Variants in DCAF10 observed in about 807,000 individuals in gnomAD.
DCAF10 encodes the protein DDB1 and CUL4 associated factor 10.
DCAF10 carries 19 observed loss-of-function variants against 51.9 expected under a neutral mutation model. That is an observed-to-expected ratio of 0.37 (90% confidence interval 0.26 to 0.54). The LOEUF is 0.54. Ranked by LOEUF, DCAF10 falls within the 20% of genes least tolerant of loss-of-function variation. DCAF10 has a pLI of 0.87. For synonymous variants in DCAF10, 291 were observed against 297.1 expected (o/e 0.98, Z 0.21); for missense variants, 510 against 730.6 (o/e 0.70, Z 3.48).
chr9:37,864,158 C>G lies in DCAF10; in HGVS notation c.*2650C>G, dbSNP rs550654000. The G allele has an allele frequency of 6.6e-6, 1 of 152,194 alleles. No individual in the cohort carries two copies. The allele number at this position is 152,194 out of a possible 1,614,324, so 9.4% of individuals were successfully genotyped here. ...AAAATTAGATGGGCATGTTGGTACA[C>G]GCCTGTAGTCCTAGCTACTCAGGAG... On this transcript the variant is annotated 3_prime_UTR_variant, in exon 7 of 7. Coordinates refer to ENST00000377724, the MANE Select transcript of DCAF10 (RefSeq NM_024345.5).
At chr9:37,836,643 G>A (rs1830173607) in intron 2 of DCAF10, among the ~76,000 whole-genome samples, 1 of 152,168 alleles carries the variant, frequency 6.6e-6, no homozygotes. Flanking sequence ...AAACCACTTT[G>A]ACTCAAAGCG....
At chr9:37,830,497 G>A (rs747705162) in intron 2 of DCAF10, among the ~76,000 whole-genome samples, 1 of 152,146 alleles carries the variant, frequency 6.6e-6, no homozygotes, top group Non-Finnish European at 1.5e-5. Context: ...ATTTACATGG[G>A]AATAACAACA....
Position 37,801,188 on chromosome 9 carries a change from G to A in DCAF10, c.322G>A (p.Gly108Ser). ...PGPDCRAKSR[G>S]RHGLGAGLGG... ...GCCAGACTGCAGGGCCAAGAGCCGG[G>A]GCCGACACGGCCTCGGCGCGGGCCT... is the stretch of plus-strand genomic sequence containing the variant. The change falls in exon 1 of 7, where the codon GGC becomes AGC. Residue 108 changes from glycine to serine, a missense_variant. Around this residue, in one of 4 missense-constraint regions of DCAF10, gnomAD observed 251 missense variants for 227.9 expected, o/e 1.10. Coordinates refer to ENST00000377724, the MANE Select transcript of DCAF10 (RefSeq NM_024345.5). The surrounding 1 kb of genome is among the most constrained non-coding windows in gnomAD (Gnocchi z 5.5). 6.5e-7 allele frequency: 1 copy of A among 1,544,734 alleles called. No homozygotes were observed. Among genetic ancestry groups the A allele is most frequent in the Non-Finnish European group, 8.7e-7 (1 of 1,147,382 alleles).
intron 2 of DCAF10, among the ~76,000 whole-genome samples, chr9:37,821,768 C>CTTTT (rs1829708400): frequency 3.3e-5 from 5 of 152,178 alleles, no homozygotes; most frequent in African/African-American, 1.2e-4. Flanking sequence ...ATAGCTGGGA[C>CTTTT]CTAATTAAAC....
chr9:37,814,337 G>C (rs1829463943), intron 1 of DCAF10, among the ~76,000 whole-genome samples: 1 of 121,012 alleles, frequency 8.3e-6, no homozygotes, highest in African/African-American at 3.2e-5. Flanking sequence ...TTTTAGTAGA[G>C]ATGGGTTTCA....
At chr9:37,845,078 T>C (rs1830438917) in intron 3 of DCAF10, among the ~76,000 whole-genome samples, 1 of 152,198 alleles carries the variant, frequency 6.6e-6, no homozygotes, top group Non-Finnish European at 1.5e-5. Context: ...TAATTAAAAA[T>C]TCTCATGTTT....
At chr9:37,824,371 A>G (rs1829793214) in intron 2 of DCAF10, among the ~76,000 whole-genome samples, 2 of 152,198 alleles carry the variant, frequency 1.3e-5, no homozygotes, top group Non-Finnish European at 2.9e-5. Context: ...AGAGGAAGAT[A>G]AAAATATTAA....
intron 1 of DCAF10, among the ~76,000 whole-genome samples, chr9:37,809,852 G>A (rs1391590567): frequency 6.7e-6 from 1 of 148,828 alleles, no homozygotes; most frequent in African/African-American, 2.5e-5. Context: ...AAATAAAAGG[G>A]TTAGGGGGAG....
At chr9:37,848,926 T>A (rs944038744) in intron 3 of DCAF10, among the ~76,000 whole-genome samples, 5 of 145,044 alleles carry the variant, frequency 3.4e-5, no homozygotes, top group African/African-American at 1.3e-4. Flanking sequence ...TGAGTCAAGA[T>A]CACGCCACTG....
chr9:37,801,478 C>T lies in DCAF10; in HGVS notation c.539+73C>T, dbSNP rs1182376073. On this transcript the variant is annotated intron_variant, in intron 1 of 6. Transcript: ENST00000377724. This position sits in a 1 kb window ranked among gnomAD's most constrained non-coding sequence, Gnocchi z 5.5. ...GCTGCCAGCGGACGGCCGTCCTGGG[C>T]TCGCTCCCCGCGCCCGGGCCGAGGT... 3.0e-6 allele frequency: 4 copies of T among 1,344,558 alleles called. No homozygotes were observed. Among genetic ancestry groups the T allele is most frequent in the Admixed American group, 8.3e-5 (2 of 24,134 alleles). The allele number at this position is 1,344,558 out of a possible 1,614,324, so 83.3% of individuals were successfully genotyped here. A position where few individuals can be genotyped will look rare whatever the true frequency, so the allele number is the denominator to read the frequency against.
rs1223649062 is a variant in DCAF10 at position 37,863,906 on chromosome 9, T to C, written c.*2398T>C. ...CATTTTACCATGGATGTTAACAAAA[T>C]TGGAAATTTTTTGTCACTGAGAAAA... is the stretch of plus-strand genomic sequence containing the variant. On this transcript the variant is annotated 3_prime_UTR_variant, in exon 7 of 7. Coordinates refer to ENST00000377724, the MANE Select transcript of DCAF10 (RefSeq NM_024345.5). The C allele has an allele frequency of 6.6e-6, 1 of 152,174 alleles. No individual in the cohort carries two copies. The highest frequency in any genetic ancestry group is 1.5e-5 in the Non-Finnish European group (1 of 68,018). 9.4% of individuals were successfully genotyped at this position (152,174 alleles called of 1,614,324 possible).
chr9:37,810,339 C>T (rs1829297863), intron 1 of DCAF10, among the ~76,000 whole-genome samples: 1 of 152,140 alleles, frequency 6.6e-6, no homozygotes. Flanking sequence ...GGGTCAAGTT[C>T]TAAAAAATAG....
chr9:37,801,158 C>T lies in DCAF10; in HGVS notation c.292C>T (p.Pro98Ser). 1 of 1,537,698 alleles carries T rather than the reference C, an allele frequency of 6.5e-7. No homozygotes were observed. Among genetic ancestry groups the T allele is most frequent in the African/African-American group, 1.4e-5 (1 of 70,422 alleles). The change falls in exon 1 of 7, where the codon CCC becomes TCC. Residue 98 changes from proline to serine, a missense_variant. Coordinates refer to ENST00000377724, the MANE Select transcript of DCAF10 (RefSeq NM_024345.5). This position sits in a 1 kb window ranked among gnomAD's most constrained non-coding sequence, Gnocchi z 5.5. ...PSPPSPPCRR[P>S]GPDCRAKSRG... The stretch of plus-strand genomic sequence containing the variant: ...ACCTCCCTCCCCTCCGTGCCGGCGG[C>T]CCGGGCCAGACTGCAGGGCCAAGAG...
intron 3 of DCAF10, among the ~76,000 whole-genome samples, chr9:37,844,593 G>A (rs1419794512): frequency 1.3e-5 from 2 of 152,204 alleles, no homozygotes; most frequent in African/African-American, 4.8e-5. Flanking sequence ...AGAGGTTGCC[G>A]TGAGCCGAGG....
intron 2 of DCAF10, among the ~76,000 whole-genome samples, chr9:37,827,459 C>T (rs1829885563): frequency 6.6e-6 from 1 of 151,896 alleles, no homozygotes; most frequent in Admixed American, 6.6e-5. Context: ...TTACATTAAA[C>T]AAATATGTTT....
Position 37,864,215 on chromosome 9 carries a change from G to A in DCAF10, c.*2707G>A, listed in dbSNP as rs1030472143. On this transcript the variant is annotated 3_prime_UTR_variant, in exon 7 of 7. Coordinates refer to ENST00000377724, the MANE Select transcript of DCAF10 (RefSeq NM_024345.5). Reference sequence around the variant, plus strand: ...GTGGGAGGATGGTTTGAGCCTGGGAGGCAGAGGCTGCAGTGAGCCAAGATT... The same window carrying A: ...GTGGGAGGATGGTTTGAGCCTGGGAAGCAGAGGCTGCAGTGAGCCAAGATT... The A allele has an allele frequency of 3.9e-5, 6 of 152,282 alleles. No individual in the cohort carries two copies. Among genetic ancestry groups the A allele is most frequent in the African/African-American group, 1.4e-4 (6 of 41,408 alleles). The allele number at this position is 152,282 out of a possible 1,614,324, so 9.4% of individuals were successfully genotyped here.
chr9:37,832,824 C>T (rs544094695), intron 2 of DCAF10, among the ~76,000 whole-genome samples: 10 of 152,180 alleles, frequency 6.6e-5, no homozygotes, highest in African/African-American at 2.4e-4. Context: ...TTGATGAGGC[C>T]CTTGAATATT....
At position 37,801,230 on chromosome 9, in the gene DCAF10, A is replaced by G; in HGVS notation, c.364A>G (p.Arg122Gly). Reference sequence around the variant, plus strand: ...CGCGGGCCTGGGCGGCCCTGGCGCTAGGCTGTTCGGGTGGCTGAAAGAGCG... The same window carrying G: ...CGCGGGCCTGGGCGGCCCTGGCGCTGGGCTGTTCGGGTGGCTGAAAGAGCG... Reference protein sequence around the residue: ...LGAGLGGPGARLFGWLKERSL... With the variant: ...LGAGLGGPGAGLFGWLKERSL... Residue 122 changes from arginine (R) to glycine (G), a missense_variant, in exon 1 of 7, where the codon AGG (arginine) becomes GGG (glycine). By Grantham distance (125) the Arg-to-Gly change is moderately radical. Transcript: ENST00000377724. The surrounding 1 kb of genome is among the most constrained non-coding windows in gnomAD (Gnocchi z 5.5). 6.3e-7 allele frequency: 1 copy of G among 1,575,538 alleles called. No individual in the cohort carries two copies. Among genetic ancestry groups the G allele is most frequent in the East Asian group, 2.4e-5 (1 of 41,616 alleles).
In DCAF10 at chr9:37,843,324, C is replaced by T. The variant is rs116690205; in HGVS notation, c.851+1038C>T. Among the ~76,000 whole-genome samples, 573 of 152,176 alleles carry T rather than the reference C, an allele frequency of 3.8e-3. 5 individuals carry two copies. Among genetic ancestry groups the T allele is most frequent in the African/African-American group, 0.013 (552 of 41,530 alleles). ...AGCCACTGTGTGTGGCCATCATTTT[C>T]GAAATATTCTTTTTAGAGGTCATAT... On this transcript the variant is annotated intron_variant, in intron 3 of 6. Coordinates refer to ENST00000377724, the MANE Select transcript of DCAF10 (RefSeq NM_024345.5).
Sources: allele counts gnomAD v4.1 joint callset (sites outside exome capture counted in the v4.1 genomes callset), GRCh38; gene constraint gnomAD v4.1.1; regional missense constraint gnomAD v4.1.1; non-coding constraint Gnocchi (gnomAD v3.1); transcripts MANE v1.5; gene names NCBI Gene and HGNC (gene_info 2026-07-23, HGNC 2026-07-21).